Variants in RPA3 observed in about 807,000 individuals in gnomAD.
The protein encoded by RPA3 is replication protein A3, also known as replication protein A 14 kDa subunit.
Under a neutral mutation model 13.7 loss-of-function variants are expected in RPA3, and 24 were observed. The observed-to-expected ratio is 1.75, with a 90% CI of 1.27 to 2.46. The LOEUF (loss-of-function observed/expected upper bound fraction) is 2.46. RPA3 is among the 30% of genes most tolerant of loss of function. RPA3 has a pLI of 0.00. For missense variants in RPA3, 183 were observed against 151.0 expected, an observed-to-expected ratio of 1.21 and a Z score of -1.11; for synonymous variants, 59 against 51.2, an observed-to-expected ratio of 1.15 and a Z score of -0.65.
At chr7:7,670,335 A>G (rs745461629) in intron 4 of RPA3, among the ~76,000 whole-genome samples, 1 of 152,208 alleles carries the variant, frequency 6.6e-6, no homozygotes, top group Non-Finnish European at 1.5e-5. Context: ...AAGAGGAGCC[A>G]CTTCGTAAAG....
intron 6 of RPA3, 54 bp from the exon 7 acceptor site, chr7:7,638,026 T>G: frequency 7.1e-7 from 1 of 1,410,888 alleles, no homozygotes; most frequent in Non-Finnish European, 1.0e-6. Context: ...CAGTTGACAA[T>G]TATTTTGGAA....
chr7:7,715,221 G>C lies in RPA3; in HGVS notation c.-1074C>G, dbSNP rs563124023. On this transcript the variant is annotated 5_prime_UTR_variant, in exon 2 of 8. Coordinates refer to ENST00000223129, the MANE Select transcript of RPA3 (RefSeq NM_002947.5). ...TGCATTGTCTTCACATCCTTTTTCT[G>C]AGTACCTGAGACAAAGTGAACTACA... is the stretch of plus-strand genomic sequence containing the variant. 16 of 152,174 alleles carry C rather than the reference G, an allele frequency of 1.1e-4. No individual in the cohort carries two copies. In the East Asian group the frequency reaches 3.1e-3, roughly 29 times the overall value. The allele number at this position is 152,174 out of a possible 1,614,324, so 9.4% of individuals were successfully genotyped here. A position where few individuals can be genotyped will look rare whatever the true frequency, so the allele number is the denominator to read the frequency against.
intron 7 of RPA3, among the ~76,000 whole-genome samples, chr7:7,637,539 A>G (rs1784883746): frequency 6.6e-6 from 1 of 152,106 alleles, no homozygotes; most frequent in Non-Finnish European, 1.5e-5. Flanking sequence ...TGGCAGTACT[A>G]AAACTCTAGA....
chr7:7,694,845 CAT>C (rs1780269244), intron 2 of RPA3, among the ~76,000 whole-genome samples: 2 of 152,180 alleles, frequency 1.3e-5, no homozygotes, highest in South Asian at 2.1e-4. Flanking sequence ...CTGCAATAAA[CAT>C]GTGAGTACAG....
chr7:7,653,078 T>A (rs6980052), intron 4 of RPA3, among the ~76,000 whole-genome samples: 3,814 of 152,316 alleles, frequency 0.025, 52 homozygotes, highest in South Asian at 0.05. Flanking sequence ...TTTAGATGTG[T>A]TTTATGATAT....
chr7:7,643,717 AAAAAAAAACAAACAAACG>A lies in RPA3; in HGVS notation c.-757-2560_-757-2543del, dbSNP rs1311037371. Among the ~76,000 whole-genome samples, 376 of 32,360 alleles carry A rather than the reference AAAAAAAAACAAACAAACG, an allele frequency of 0.012. 9 individuals are homozygous for A. In the East Asian group the frequency reaches 0.22, roughly 19 times the overall value. The allele number at this position is 32,360 out of a possible 152,430, so 21.2% of individuals were successfully genotyped here. On this transcript the variant is annotated intron_variant, in intron 4 of 7. Transcript: ENST00000223129. ...ACAGAGCGAGACTCCCTCTCAAAAA[AAAAAAAAACAAACAAACG>A]AAAAAAAAAGGATCAACGGTTAAAT... is the stretch of plus-strand genomic sequence containing the variant.
Position 7,636,550 on chromosome 7 carries a change from T to C in RPA3, c.*450A>G, listed in dbSNP as rs10280185. On this transcript the variant is annotated 3_prime_UTR_variant, in exon 8 of 8. Transcript: ENST00000223129. The stretch of plus-strand genomic sequence containing the variant: ...TCTACTTCATTTTGTAAGTAGGGTA[T>C]CAAGGAAATAATTATCAAGGTATAG... 1,773 of 156,554 alleles carry C rather than the reference T, an allele frequency of 0.011. 35 individuals carry two copies. Among genetic ancestry groups the C allele is most frequent in the African/African-American group, 0.039 (1,637 of 41,576 alleles). 9.7% of individuals were successfully genotyped at this position (156,554 alleles called of 1,614,324 possible). A position where few individuals can be genotyped will look rare whatever the true frequency, so the allele number is the denominator to read the frequency against.
In RPA3 at chr7:7,645,537, C is replaced by T. The variant is rs112739887; in HGVS notation, c.-757-4362G>A. On this transcript the variant is annotated intron_variant, in intron 4 of 7. Coordinates refer to ENST00000223129, the MANE Select transcript of RPA3 (RefSeq NM_002947.5). ...GTTCTATGTGGCAGAGAAGTGGACC[C>T]GCATTCAGCTTCCTTTAAGGAGTAT... is the stretch of plus-strand genomic sequence containing the variant. Among the ~76,000 whole-genome samples, 479 of 152,310 alleles carry T rather than the reference C, an allele frequency of 3.1e-3. 1 individual carries two copies. Among genetic ancestry groups the T allele is most frequent in the African/African-American group, 0.011 (457 of 41,562 alleles).
At chr7:7,643,292 AG>A (rs1395230175) in intron 4 of RPA3, among the ~76,000 whole-genome samples, 1 of 152,354 alleles carries the variant, frequency 6.6e-6, no homozygotes, top group East Asian at 1.9e-4. Flanking sequence ...GGAAAAAGGA[AG>A]GAAGCCTCAG....
At chr7:7,698,996 A>C (rs1292560064) in intron 2 of RPA3, among the ~76,000 whole-genome samples, 1 of 150,538 alleles carries the variant, frequency 6.6e-6, no homozygotes, top group Admixed American at 6.6e-5. Context: ...CTGGGACTAC[A>C]GGAGTGCACC....
intron 4 of RPA3, among the ~76,000 whole-genome samples, chr7:7,651,883 T>C (rs891634788): frequency 1.1e-4 from 17 of 152,214 alleles, no homozygotes; most frequent in African/African-American, 3.1e-4. Context: ...TCAGAGTTTT[T>C]CCTGTCTTGT....
intron 4 of RPA3, among the ~76,000 whole-genome samples, chr7:7,679,735 C>T (rs1024722341): frequency 5.6e-5 from 8 of 142,974 alleles, no homozygotes; most frequent in African/African-American, 2.1e-4. Context: ...TATATATACA[C>T]ACACACATAT....
intron 4 of RPA3, among the ~76,000 whole-genome samples, chr7:7,679,731 T>C (rs7805574): frequency 0.59 from 79,548 of 135,802 alleles, 23,817 homozygotes; most frequent in East Asian, 0.78. Context: ...TATATATATA[T>C]ACACACACAC....
intron 4 of RPA3, among the ~76,000 whole-genome samples, chr7:7,643,070 C>T (rs1324265867): frequency 1.3e-5 from 2 of 152,064 alleles, no homozygotes; most frequent in Non-Finnish European, 2.9e-5. Flanking sequence ...CTCCCCCAAC[C>T]CACTAGAAAT....
intron 4 of RPA3, among the ~76,000 whole-genome samples, chr7:7,669,253 C>T (rs974489546): frequency 3.9e-5 from 6 of 152,144 alleles, no homozygotes; most frequent in African/African-American, 7.2e-5. Flanking sequence ...CGATTGTATA[C>T]GGTATTTTGA....
intron 4 of RPA3, among the ~76,000 whole-genome samples, chr7:7,657,598 G>T (rs1295048156): frequency 2.0e-5 from 3 of 152,012 alleles, no homozygotes; most frequent in South Asian, 2.1e-4. Context: ...TTTTTTTCAG[G>T]TATGTCAAAG....
chr7:7,677,614 T>C (rs1428419890), intron 4 of RPA3, among the ~76,000 whole-genome samples: 1 of 152,052 alleles, frequency 6.6e-6, no homozygotes, highest in Non-Finnish European at 1.5e-5. Flanking sequence ...TAAATAGTAT[T>C]CCATTGTGTA....
At chr7:7,647,387 G>A (rs761935641) in intron 4 of RPA3, among the ~76,000 whole-genome samples, 1 of 152,060 alleles carries the variant, frequency 6.6e-6, no homozygotes, top group East Asian at 1.9e-4. Context: ...ATTATGTGAG[G>A]CTTGCTTTAA....
chr7:7,676,298 T>G (rs1001484063), intron 4 of RPA3: 2 of 395,652 alleles, frequency 5.1e-6, no homozygotes. Flanking sequence ...GGGGAATAAA[T>G]GAGTTAATGT....
Sources: allele counts gnomAD v4.1 joint callset (sites outside exome capture counted in the v4.1 genomes callset), GRCh38; gene constraint gnomAD v4.1.1; transcripts MANE v1.5; gene names NCBI Gene and HGNC (gene_info 2026-07-23, HGNC 2026-07-21).